Variants in SGCZ observed in about 807,000 individuals in gnomAD.
SGCZ encodes zeta-sarcoglycan.
Under a neutral mutation model 41.3 loss-of-function variants are expected in SGCZ, and 40 were observed. That is an observed-to-expected ratio of 0.97 (90% CI 0.75 to 1.26). The LOEUF is 1.26. SGCZ is among the 50% of genes most tolerant of loss of function. The pLI, the probability that SGCZ is intolerant of heterozygous loss-of-function variation, is 0.00. For missense variants in SGCZ, 552 were observed against 369.8 expected (o/e 1.49, Z -4.04); for synonymous variants, 206 against 137.5 (o/e 1.50, Z -3.49).
intron 1 of SGCZ, among the ~76,000 whole-genome samples, chr8:14,759,332 G>A (rs1799782955): frequency 7.7e-6 from 1 of 129,572 alleles, no homozygotes; most frequent in African/African-American, 3.0e-5. Context: ...TTTAAAAATA[G>A]TTTTAGCCTC....
intron 1 of SGCZ, among the ~76,000 whole-genome samples, chr8:14,779,401 G>A (rs752997979): frequency 2.0e-4 from 30 of 152,094 alleles, no homozygotes; most frequent in Admixed American, 1.1e-3. Context: ...TATGCCCTTT[G>A]AAAGTGCATC....
chr8:14,830,498 T>A (rs1802487945), intron 1 of SGCZ, among the ~76,000 whole-genome samples: 1 of 152,202 alleles, frequency 6.6e-6, no homozygotes, highest in Admixed American at 6.5e-5. Flanking sequence ...ATATACCTAT[T>A]AGAATAATGC....
At chr8:14,625,603 T>C (rs1806429083) in intron 1 of SGCZ, among the ~76,000 whole-genome samples, 1 of 151,910 alleles carries the variant, frequency 6.6e-6, no homozygotes, top group South Asian at 2.1e-4. Flanking sequence ...TTTTGTTTTG[T>C]TTATTTTGTA....
At position 14,399,682 on chromosome 8, in the gene SGCZ, T is replaced by G. The variant is rs540327302; in HGVS notation, c.235-75478A>C. 2.0e-3 allele frequency among the ~76,000 whole-genome samples: 300 copies of G among 152,272 alleles called. 6 individuals carry two copies. Among genetic ancestry groups the G allele is most frequent in the Non-Finnish European group, 1.9e-3 (129 of 68,006 alleles). On this transcript the variant is annotated intron_variant, in intron 2 of 7. Coordinates refer to ENST00000382080, the MANE Select transcript of SGCZ (RefSeq NM_139167.4). ...TGAAAAGAAGATAATATTTTATTCATTGCTTTAAACTTCTTCAGAACATAT... is the reference window on the plus strand; with the variant it reads ...TGAAAAGAAGATAATATTTTATTCAGTGCTTTAAACTTCTTCAGAACATAT...
intron 2 of SGCZ, among the ~76,000 whole-genome samples, chr8:14,454,015 T>C (rs1021135570): frequency 2.0e-5 from 3 of 152,188 alleles, no homozygotes. Flanking sequence ...TTGTTTTTAA[T>C]GAATCTTTGT....
intron 1 of SGCZ, among the ~76,000 whole-genome samples, chr8:15,140,020 AG>A (rs1398650708): frequency 6.6e-6 from 1 of 151,686 alleles, no homozygotes; most frequent in African/African-American, 2.4e-5. Flanking sequence ...CTGGTTATAA[AG>A]CCTTTTTTTT....
At chr8:14,369,406 T>G (rs1328567944) in intron 2 of SGCZ, among the ~76,000 whole-genome samples, 1 of 151,978 alleles carries the variant, frequency 6.6e-6, no homozygotes, top group African/African-American at 2.4e-5. Flanking sequence ...AAGGCTTTTT[T>G]TGGTCTTTAT....
At chr8:14,540,220 A>ATTTT (rs11428713) in intron 2 of SGCZ, among the ~76,000 whole-genome samples, 36 of 48,712 alleles carry the variant, frequency 7.4e-4, no homozygotes, top group African/African-American at 2.5e-3. Context: ...TCTCTGCTTA[A>ATTTT]TTTTTTTTTT....
At chr8:14,276,451 G>A (rs1403310613) in intron 3 of SGCZ, among the ~76,000 whole-genome samples, 1 of 152,094 alleles carries the variant, frequency 6.6e-6, no homozygotes, top group Non-Finnish European at 1.5e-5. Flanking sequence ...CATGTGCTCT[G>A]CAAAGAAAAA....
intron 1 of SGCZ, among the ~76,000 whole-genome samples, chr8:14,647,548 G>A (rs1488809643): frequency 6.6e-6 from 1 of 151,774 alleles, no homozygotes; most frequent in Non-Finnish European, 1.5e-5. Context: ...TCTCCGCAAT[G>A]GTACGAGCCT....
chr8:14,597,606 T>C (rs1016289314), intron 1 of SGCZ, among the ~76,000 whole-genome samples: 4 of 152,024 alleles, frequency 2.6e-5, no homozygotes. Context: ...GCCTCTAGAG[T>C]AGCTGGGATT....
chr8:15,174,443 G>T (rs934045977), intron 1 of SGCZ, among the ~76,000 whole-genome samples: 3 of 152,092 alleles, frequency 2.0e-5, no homozygotes, highest in Admixed American at 1.3e-4. Flanking sequence ...CTTCATTATT[G>T]ATCTTTTATT....
At chr8:15,226,361 T>C (rs1172490673) in intron 1 of SGCZ, among the ~76,000 whole-genome samples, 2 of 152,234 alleles carry the variant, frequency 1.3e-5, no homozygotes, top group African/African-American at 4.8e-5. Flanking sequence ...GCATAACTCA[T>C]GGCTCCGCAA....
intron 2 of SGCZ, among the ~76,000 whole-genome samples, chr8:14,546,176 C>T (rs931858501): frequency 3.3e-5 from 5 of 152,274 alleles, no homozygotes; most frequent in Middle Eastern, 3.4e-3. Flanking sequence ...ACACACACCA[C>T]ACTGAGGGGC....
intron 1 of SGCZ, among the ~76,000 whole-genome samples, chr8:14,863,807 A>T (rs904430990): frequency 1.3e-5 from 2 of 152,124 alleles, no homozygotes; most frequent in East Asian, 3.9e-4. Context: ...TCATGTGAAG[A>T]CTGGGTTGTA....
intron 1 of SGCZ, among the ~76,000 whole-genome samples, chr8:15,223,653 T>G (rs1319607739): frequency 6.6e-6 from 1 of 152,168 alleles, no homozygotes; most frequent in Non-Finnish European, 1.5e-5. Context: ...ATATCTAACC[T>G]GGATCCATGA....
At chr8:14,603,186 G>A (rs568597004) in intron 1 of SGCZ, among the ~76,000 whole-genome samples, 7 of 152,228 alleles carry the variant, frequency 4.6e-5, no homozygotes, top group African/African-American at 1.7e-4. Flanking sequence ...AAGACCACTA[G>A]CTTTGGAAAT....
chr8:14,185,016 A>G (rs1804857347), intron 4 of SGCZ, among the ~76,000 whole-genome samples: 1 of 152,156 alleles, frequency 6.6e-6, no homozygotes, highest in African/African-American at 2.4e-5. Context: ...AGACTTTATA[A>G]CATTTAAGTT....
At chr8:14,274,381 A>G (rs966995205) in intron 3 of SGCZ, among the ~76,000 whole-genome samples, 2 of 152,154 alleles carry the variant, frequency 1.3e-5, no homozygotes, top group African/African-American at 4.8e-5. Context: ...GTCCATAAAT[A>G]TTTCACCTTA....
Sources: allele counts gnomAD v4.1 joint callset (sites outside exome capture counted in the v4.1 genomes callset), GRCh38; gene constraint gnomAD v4.1.1; transcripts MANE v1.5; gene names NCBI Gene and HGNC (gene_info 2026-07-23, HGNC 2026-07-21).